The following ABR variants were observed in gnomAD, a reference collection of about 807,000 sequenced individuals.
ABR encodes ABR activator of RhoGEF and GTPase.
In ABR, 35 loss-of-function variants were observed where a neutral mutation model predicts 107.2. The ratio of observed to expected loss-of-function variants is 0.33; its 90% CI spans 0.25 to 0.43. The LOEUF is 0.43. Ranked by LOEUF, ABR falls within the 20% of genes least tolerant of loss-of-function variation. The probability of loss-of-function intolerance (pLI) is 1.00; values close to 1 mark genes in which losing one functional copy is unlikely to be tolerated. For synonymous variants in ABR, 498 were observed against 462.0 expected, an observed-to-expected ratio of 1.08 and a Z score of -1.00; for missense variants, 815 against 1,115.2, an observed-to-expected ratio of 0.73 and a Z score of 3.83.
rs199593626 is a variant in ABR at position 1,185,658 on chromosome 17, A to ATAAAAT, written c.-78+1141_-78+1142insATTTTA. Among the ~76,000 whole-genome samples the ATAAAAT allele has an allele frequency of 8.6e-4, 121 of 140,280 alleles. 1 individual carries two copies. The highest frequency in any genetic ancestry group is 3.4e-3 in the African/African-American group (115 of 33,886). The allele number at this position is 140,280 out of a possible 152,430, so 92.0% of individuals were successfully genotyped here. A position where few individuals can be genotyped will look rare whatever the true frequency, so the allele number is the denominator to read the frequency against. On this transcript the variant is annotated intron_variant, in intron 1 of 22. Transcript: ENST00000544583. ...AGACTCCGTCTCAGAAAGAAATAAA[A>ATAAAAT]AAAAAAAAAAAAAAAAAAAAAAGAA...
At chr17:1,197,677 G>A (rs1434824583) in intron 1 of ABR, among the ~76,000 whole-genome samples, 1 of 151,612 alleles carries the variant, frequency 6.6e-6, no homozygotes, top group Non-Finnish European at 1.5e-5. Context: ...GAGGGGGAGG[G>A]TGCTGGGAAG....
intron 1 of ABR, among the ~76,000 whole-genome samples, chr17:1,129,417 A>G (rs1053929498): frequency 2.6e-5 from 4 of 152,084 alleles, no homozygotes; most frequent in African/African-American, 9.7e-5. Context: ...CTGTTGTCCC[A>G]GCTACTTAGG....
chr17:1,192,202 C>A (rs931939573), upstream of ABR, among the ~76,000 whole-genome samples: 1 of 152,044 alleles, frequency 6.6e-6, no homozygotes, highest in African/African-American at 2.4e-5. Flanking sequence ...GTCTCGAACT[C>A]GTAGGCTCAA....
intron 1 of ABR, among the ~76,000 whole-genome samples, chr17:1,176,306 A>T (rs181002462): frequency 8.0e-4 from 121 of 152,052 alleles, no homozygotes; most frequent in African/African-American, 2.9e-3. Flanking sequence ...TTCAGGGAGA[A>T]CTCTGCAACA....
rs983009845 is a variant in ABR, at chr17:1,157,713, G to A, written c.61+21954C>T. ...AAGGAAAGGAACCGGCAGGCACACC[G>A]CTCTCACGCCAATGCGTGCGGACAG... On this transcript the variant is annotated intron_variant, in intron 1 of 22. Transcript: ENST00000302538. The surrounding 1 kb of genome is among the most constrained non-coding windows in gnomAD (Gnocchi z 4.7). 1.5e-4 allele frequency among the ~76,000 whole-genome samples: 23 copies of A among 152,220 alleles called. No individual in the cohort carries two copies. The highest frequency in any genetic ancestry group is 4.8e-4 in the African/African-American group (20 of 41,450).
chr17:1,190,570 G>A (rs1275792985), upstream of ABR, among the ~76,000 whole-genome samples: 5 of 152,210 alleles, frequency 3.3e-5, no homozygotes, highest in African/African-American at 1.2e-4. Flanking sequence ...GAAGGCGGAA[G>A]TGGAGGTTGC....
intron 2 of ABR, among the ~76,000 whole-genome samples, chr17:1,123,084 A>C (rs1170988155): frequency 6.6e-6 from 1 of 152,192 alleles, no homozygotes; most frequent in East Asian, 1.9e-4. Context: ...ACTCAGGAAG[A>C]GGCGTCAGCT....
chr17:1,140,239 C>CTTGG (rs1192472052), intron 1 of ABR, among the ~76,000 whole-genome samples: 1 of 152,162 alleles, frequency 6.6e-6, no homozygotes, highest in African/African-American at 2.4e-5. Context: ...GTCCTCTGGG[C>CTTGG]TTGGAGGGCT....
chr17:1,067,809 T>C (rs965334812), intron 9 of ABR, among the ~76,000 whole-genome samples: 1 of 152,258 alleles, frequency 6.6e-6, no homozygotes, highest in Non-Finnish European at 1.5e-5. Flanking sequence ...TGATTAGTAA[T>C]GTCTGCCATC....
chr17:1,191,506 C>T (rs565813435), upstream of ABR, among the ~76,000 whole-genome samples: 4 of 152,000 alleles, frequency 2.6e-5, no homozygotes, highest in South Asian at 6.2e-4. Context: ...TACAGGCGCC[C>T]GCCACCATGC....
At chr17:1,065,903 G>A (rs1040137718) in intron 10 of ABR, among the ~76,000 whole-genome samples, 14 of 151,910 alleles carry the variant, frequency 9.2e-5, no homozygotes, top group Non-Finnish European at 1.8e-4. Context: ...AAGCCACCAC[G>A]CCAGGCTAAT....
intron 16 of ABR, among the ~76,000 whole-genome samples, chr17:1,018,543 T>C (rs1340747245): frequency 6.6e-6 from 1 of 152,068 alleles, no homozygotes; most frequent in African/African-American, 2.4e-5. Flanking sequence ...CCTGGCAGCT[T>C]CTGCAGGAAG....
At chr17:1,110,390 GAGC>G (rs1388789802) in intron 2 of ABR, among the ~76,000 whole-genome samples, 36 of 152,198 alleles carry the variant, frequency 2.4e-4, no homozygotes, top group African/African-American at 8.7e-4. Flanking sequence ...CCGGTGAAGC[GAGC>G]CAGGTAGGGC....
intron 1 of ABR, among the ~76,000 whole-genome samples, chr17:1,160,689 G>A (rs906943963): frequency 2.0e-5 from 3 of 152,218 alleles, no homozygotes; most frequent in Admixed American, 6.5e-5. Context: ...TCTGGGGAGG[G>A]AGGCGGCGCA....
chr17:1,050,969 G>GC lies in ABR; in HGVS notation c.1562-336dup, dbSNP rs145385113. On this transcript the variant is annotated intron_variant, in intron 14 of 22. Coordinates refer to ENST00000302538, the MANE Select transcript of ABR (RefSeq NM_021962.5). This position sits in a 1 kb window ranked among gnomAD's most constrained non-coding sequence, Gnocchi z 4.6. The stretch of plus-strand genomic sequence containing the variant: ...TCTGGCCTCCTCCTCCCTCTAAAGG[G>GC]CCCTTGACTGTTCCGTCTCCACATC... Among the ~76,000 whole-genome samples, 555 of 151,168 alleles carry GC rather than the reference G, an allele frequency of 3.7e-3. 4 individuals are homozygous for GC. Among genetic ancestry groups the GC allele is most frequent in the African/African-American group, 0.012 (512 of 41,066 alleles).
intron 1 of ABR, among the ~76,000 whole-genome samples, chr17:1,166,417 G>A (rs1391374083): frequency 2.6e-5 from 4 of 152,120 alleles, no homozygotes; most frequent in Non-Finnish European, 5.9e-5. Flanking sequence ...GGAACAGCAC[G>A]TGCAAAAGGC....
intron 6 of ABR, among the ~76,000 whole-genome samples, chr17:1,077,621 C>G (rs893398290): frequency 6.6e-6 from 1 of 152,178 alleles, no homozygotes; most frequent in Non-Finnish European, 1.5e-5. Flanking sequence ...CCACACAGCC[C>G]CTCCAGCACA....
intron 16 of ABR, among the ~76,000 whole-genome samples, chr17:1,020,329 C>A (rs1281121484): frequency 6.6e-6 from 1 of 152,212 alleles, no homozygotes; most frequent in African/African-American, 2.4e-5. Context: ...GTGATCCACC[C>A]GCCTCGGCCT....
At position 1,067,212 on chromosome 17, in the gene ABR, G is replaced by A. The variant is rs2034827654; in HGVS notation, c.1047C>T (p.Tyr349=). Residue 349 remains tyrosine (Y), a synonymous_variant, in exon 10 of 23, where the codon TAC becomes TAT. Coordinates refer to ENST00000302538, the MANE Select transcript of ABR (RefSeq NM_021962.5). ...GAAACACCAGGTCGGCCAGGGGGAT[G>A]TACCACTTACAGTCATACTGCTGGT... ...GKHQQYDCKW[Y]IPLADLVFPS... is the part of the protein sequence containing the mutation. The A allele has an allele frequency of 1.9e-6, 3 of 1,609,010 alleles. No individual in the cohort carries two copies. Among genetic ancestry groups the A allele is most frequent in the Non-Finnish European group, 2.5e-6 (3 of 1,177,550 alleles).
Sources: allele counts gnomAD v4.1 joint callset (sites outside exome capture counted in the v4.1 genomes callset), GRCh38; gene constraint gnomAD v4.1.1; non-coding constraint Gnocchi (gnomAD v3.1); transcripts MANE v1.5; gene names NCBI Gene and HGNC (gene_info 2026-07-23, HGNC 2026-07-21).